Variants in PHTF1 observed in about 807,000 individuals in gnomAD.
PHTF1 encodes putative homeodomain transcription factor 1, also known as protein PHTF1.
PHTF1 carries 88 observed loss-of-function variants against 102.4 expected under a neutral mutation model. The observed-to-expected ratio is 0.86, with a 90% CI of 0.72 to 1.03. PHTF1 has a LOEUF of 1.03. Among genes scored for constraint, PHTF1 ranks in the 50% least tolerant of loss-of-function variants. PHTF1 has a pLI of 0.00. For missense variants in PHTF1, 814 were observed against 909.5 expected (o/e 0.89, Z 1.35); for synonymous variants, 289 against 305.2 (o/e 0.95, Z 0.55).
chr1:113,698,334 G>A lies in PHTF1; in HGVS notation c.2196C>T (p.Tyr732=). 6.2e-7 allele frequency: 1 copy of A among 1,606,728 alleles called. No individual in the cohort carries two copies. Among genetic ancestry groups the A allele is most frequent in the Non-Finnish European group, 8.5e-7 (1 of 1,173,394 alleles). The part of the protein sequence containing the change: ...LYGLTMNPLI[Y]NITRVVILSA... ...AAAGGATAACTACTCTTGTGATATT[G>A]TAGATTAAGGGATTCATTGTCAGTC... is the stretch of plus-strand genomic sequence containing the variant. The change falls in exon 18 of 19, where the codon TAC becomes TAT. Residue 732 remains tyrosine (Y), a synonymous_variant. Transcript: ENST00000369604.
At chr1:113,716,361 T>C (rs1348907348) in intron 7 of PHTF1, among the ~76,000 whole-genome samples, 10 of 148,234 alleles carry the variant, frequency 6.7e-5, no homozygotes, top group African/African-American at 2.5e-4. Context: ...TTTTTTTTTT[T>C]TTTTGAGATG....
At chr1:113,722,039 A>T (rs1653036742) in intron 7 of PHTF1, among the ~76,000 whole-genome samples, 1 of 152,216 alleles carries the variant, frequency 6.6e-6, no homozygotes, top group African/African-American at 2.4e-5. Context: ...CAATCTAAAA[A>T]AGAAATCAAG....
rs758384010 is a variant in PHTF1 at position 113,711,798 on chromosome 1, C to T, written c.995G>A (p.Arg332Gln). 9.3e-6 allele frequency: 15 copies of T among 1,613,920 alleles called. No individual in the cohort carries two copies. Among genetic ancestry groups the T allele is most frequent in the African/African-American group, 1.3e-5 (1 of 74,928 alleles). ...TGATTCAGCCAGACTATCTGAATCC[C>T]GCACAATATGACACCACCTTGTAGT... The part of the protein sequence containing the change: ...KTTTRWCHIV[R>Q]DSDSLAESEF... The change falls in exon 10 of 19, where the codon CGG (arginine) becomes CAG (glutamine). Residue 332 changes from arginine to glutamine, a missense_variant. Physicochemically the swap from Arg to Gln is conservative, Grantham distance 43. Transcript: ENST00000369604.
At chr1:113,742,306 A>T (rs898144880) in intron 3 of PHTF1, among the ~76,000 whole-genome samples, 2 of 152,146 alleles carry the variant, frequency 1.3e-5, no homozygotes, top group African/African-American at 4.8e-5. Context: ...GTCTAAACCT[A>T]AAAAAGGTAC....
intron 5 of PHTF1, among the ~76,000 whole-genome samples, chr1:113,731,005 G>A (rs143742671): frequency 0.013 from 2,022 of 152,238 alleles, 19 homozygotes; most frequent in Middle Eastern, 0.017. Context: ...TGCCAGGGAC[G>A]ATGGGTAGGG....
chr1:113,717,805 G>A (rs933515633), intron 7 of PHTF1, among the ~76,000 whole-genome samples: 1 of 152,084 alleles, frequency 6.6e-6, no homozygotes, highest in African/African-American at 2.4e-5. Context: ...AATAGCATGG[G>A]AAAGACCAGC....
chr1:113,706,526 T>A (rs1650208323), intron 12 of PHTF1, 68 bp downstream of exon 12: 1 of 1,285,204 alleles, frequency 7.8e-7, no homozygotes, highest in South Asian at 1.7e-5. Context: ...CACTAAGAGA[T>A]TCTTATAAAA....
At chr1:113,705,516 C>G (rs1488871331) in intron 13 of PHTF1, among the ~76,000 whole-genome samples, 1 of 152,166 alleles carries the variant, frequency 6.6e-6, no homozygotes, top group Non-Finnish European at 1.5e-5. Flanking sequence ...TAATTTTTAT[C>G]AAATTTCAAT....
chr1:113,706,849 T>TTA, intron 11 of PHTF1, 127 bp from the exon 12 acceptor site: 10 of 496,906 alleles, frequency 2.0e-5, no homozygotes, highest in Admixed American at 3.9e-5. Context: ...CTTTCTTTCT[T>TTA]TCTTTTTTTT....
chr1:113,731,619 C>T (rs1293074359), intron 5 of PHTF1, among the ~76,000 whole-genome samples: 1 of 151,812 alleles, frequency 6.6e-6, no homozygotes, highest in Admixed American at 6.6e-5. Flanking sequence ...TAAGGCCAGG[C>T]GCTGTGGCTC....
intron 3 of PHTF1, among the ~76,000 whole-genome samples, chr1:113,753,219 T>C (rs1390097939): frequency 6.6e-6 from 1 of 152,230 alleles, no homozygotes; most frequent in East Asian, 1.9e-4. Context: ...CGAATGTTCT[T>C]ATGATGTCTT....
chr1:113,699,700 T>A lies in PHTF1; in HGVS notation c.2142+4A>T. Reference sequence around the variant, plus strand: ...GTAAAAGTGTATCATAGCCTATGACTTACTTTCAACAACTTGGTGGACAGC... The same window carrying A: ...GTAAAAGTGTATCATAGCCTATGACATACTTTCAACAACTTGGTGGACAGC... On this transcript the variant is annotated splice_donor_region_variant and intron_variant, in intron 17 of 18. Transcript: ENST00000369604. 1 of 1,195,460 alleles carries A rather than the reference T, an allele frequency of 8.4e-7. No individual in the cohort carries two copies. Among genetic ancestry groups the A allele is most frequent in the East Asian group, 2.4e-5 (1 of 42,528 alleles). 74.1% of individuals were successfully genotyped at this position (1,195,460 alleles called of 1,614,324 possible). A position where few individuals can be genotyped will look rare whatever the true frequency, so the allele number is the denominator to read the frequency against.
Position 113,759,177 on chromosome 1 carries a change from G to T in PHTF1, c.-185C>A. 1.3e-6 allele frequency: 1 copy of T among 780,890 alleles called. No individual in the cohort carries two copies. The highest frequency in any genetic ancestry group is 1.6e-6 in the Non-Finnish European group (1 of 642,324). 48.4% of individuals were successfully genotyped at this position (780,890 alleles called of 1,614,324 possible). Reference sequence around the variant, plus strand: ...AGAGGCCGTTACCATGGAGACCGCGGAGGCCGCCCCAGCTTCGGAGGCAGC... The same window carrying T: ...AGAGGCCGTTACCATGGAGACCGCGTAGGCCGCCCCAGCTTCGGAGGCAGC... On this transcript the variant is annotated 5_prime_UTR_variant, in exon 1 of 19. Coordinates refer to ENST00000369604, the MANE Select transcript of PHTF1 (RefSeq NM_001323043.2).
Position 113,738,155 on chromosome 1 carries a change from A to G in PHTF1, c.286T>C (p.Ser96Pro). The G allele has an allele frequency of 6.2e-7, 1 of 1,612,856 alleles. No homozygotes were observed. Among genetic ancestry groups the G allele is most frequent in the Non-Finnish European group, 8.5e-7 (1 of 1,178,852 alleles). ...AACAGCCAAACAAAGATTCTTAAAG[A>G]GGTAACCTGAATCCACCAATTGCTG... Reference protein sequence around the residue: ...LFSNWWIQVTSLRIFVWLLLL... With the variant: ...LFSNWWIQVTPLRIFVWLLLL... The change falls in exon 5 of 19, where the codon TCT becomes CCT. Residue 96 changes from serine (S) to proline (P), a missense_variant. Ser to Pro is a moderately conservative substitution (Grantham distance 74). Transcript: ENST00000369604.
chr1:113,720,768 G>A (rs1055206924), intron 7 of PHTF1, among the ~76,000 whole-genome samples: 4 of 152,140 alleles, frequency 2.6e-5, no homozygotes, highest in South Asian at 2.1e-4. Context: ...CTCTATGTGC[G>A]GGTGCCCACC....
intron 7 of PHTF1, among the ~76,000 whole-genome samples, chr1:113,718,954 C>A (rs12734625): frequency 0.22 from 33,060 of 152,050 alleles, 4,498 homozygotes; most frequent in South Asian, 0.39. Flanking sequence ...ATGCAAATTT[C>A]TGCAGCCAGT....
At chr1:113,739,580 G>A (rs1270911818) in intron 3 of PHTF1, among the ~76,000 whole-genome samples, 1 of 152,070 alleles carries the variant, frequency 6.6e-6, no homozygotes, top group East Asian at 1.9e-4. Flanking sequence ...TCTTTGTGTT[G>A]GGTTCATTCA....
At position 113,698,245 on chromosome 1, in the gene PHTF1, G is replaced by A; in HGVS notation, c.2268+17C>T. The stretch of plus-strand genomic sequence containing the variant: ...ATTTTTAAGACTAGGATGCTACAGA[G>A]TGGTGGTGATACTTACTCTTATATT... On this transcript the variant is annotated intron_variant, in intron 18 of 18. Coordinates refer to ENST00000369604, the MANE Select transcript of PHTF1 (RefSeq NM_001323043.2). The A allele has an allele frequency of 6.3e-7, 1 of 1,591,696 alleles. No homozygotes were observed. Among genetic ancestry groups the A allele is most frequent in the Non-Finnish European group, 8.6e-7 (1 of 1,162,546 alleles).
chr1:113,752,268 A>AAAATT (rs779558058), intron 3 of PHTF1, among the ~76,000 whole-genome samples: 6 of 151,938 alleles, frequency 3.9e-5, no homozygotes, highest in Non-Finnish European at 7.4e-5. Context: ...TTGCTATTAT[A>AAAATT]AAATTGTTTT....
Sources: allele counts gnomAD v4.1 joint callset (sites outside exome capture counted in the v4.1 genomes callset), GRCh38; gene constraint gnomAD v4.1.1; transcripts MANE v1.5; gene names NCBI Gene and HGNC (gene_info 2026-07-23, HGNC 2026-07-21).